GPM6A: variants seen among roughly 807,000 people sequenced by gnomAD.
GPM6A encodes neuronal membrane glycoprotein M6-a.
Under a neutral mutation model 32.1 loss-of-function variants are expected in GPM6A, and 7 were observed. That is an observed-to-expected ratio of 0.22 (90% CI 0.12 to 0.41). The LOEUF is 0.41. Among genes scored for constraint, GPM6A ranks in the 10% least tolerant of loss-of-function variants. The pLI, the probability that GPM6A is intolerant of heterozygous loss-of-function variation, is 1.00. For missense variants in GPM6A, 235 were observed against 347.2 expected, an observed-to-expected ratio of 0.68 and a Z score of 2.57; for synonymous variants, 130 against 123.4, an observed-to-expected ratio of 1.05 and a Z score of -0.35.
intron 1 of GPM6A, among the ~76,000 whole-genome samples, chr4:175,863,493 T>C (rs552516391): frequency 7.3e-6 from 1 of 137,738 alleles, no homozygotes; most frequent in East Asian, 2.2e-4. Context: ...TTAATGGACT[T>C]TGTTTTTTTT....
intron 1 of GPM6A, among the ~76,000 whole-genome samples, chr4:175,882,368 A>C (rs2111459905): frequency 6.6e-6 from 1 of 152,142 alleles, no homozygotes; most frequent in Admixed American, 6.5e-5. Flanking sequence ...TGGATGATTA[A>C]GAAAACTGTC....
intron 4 of GPM6A, among the ~76,000 whole-genome samples, chr4:175,648,481 G>GA (rs1741602543): frequency 6.6e-6 from 1 of 152,094 alleles, no homozygotes; most frequent in Non-Finnish European, 1.5e-5. Context: ...AGCAGTTTGG[G>GA]AAAAAAATTG....
chr4:175,928,375 T>C (rs1037107503), intron 1 of GPM6A, among the ~76,000 whole-genome samples: 6 of 152,186 alleles, frequency 3.9e-5, no homozygotes, highest in African/African-American at 1.2e-4. Context: ...GATACAAGCC[T>C]TTACCTGGGA....
At chr4:175,989,001 A>G (rs551225911) in intron 1 of GPM6A, among the ~76,000 whole-genome samples, 131 of 152,290 alleles carry the variant, frequency 8.6e-4, no homozygotes, top group African/African-American at 2.8e-3. Flanking sequence ...AGCTACTTGT[A>G]CCCCAATTCT....
chr4:175,880,549 C>T (rs1737238584), intron 1 of GPM6A, among the ~76,000 whole-genome samples: 1 of 152,008 alleles, frequency 6.6e-6, no homozygotes, highest in Non-Finnish European at 1.5e-5. Flanking sequence ...TGTTTGTGTC[C>T]TCTTTTATTT....
chr4:175,791,062 C>T lies in GPM6A; in HGVS notation c.37+21129G>A, dbSNP rs574936900. ...GAATGTACCTATTTTCTGGCCAATC[C>T]TTTTCCTATGTCTTTTGGACTAGAG... On this transcript the variant is annotated intron_variant, in intron 1 of 6. Transcript: ENST00000393658. 3.1e-4 allele frequency among the ~76,000 whole-genome samples: 47 copies of T among 152,022 alleles called. 1 individual carries two copies. In the South Asian group the frequency reaches 9.8e-3, roughly 32 times the overall value.
chr4:175,916,849 A>G, intron 1 of GPM6A, among the ~76,000 whole-genome samples: 1 of 152,174 alleles, frequency 6.6e-6, no homozygotes, highest in Non-Finnish European at 1.5e-5. Flanking sequence ...CATTAAAAAC[A>G]CAGTTTTCCT....
intron 1 of GPM6A, among the ~76,000 whole-genome samples, chr4:175,923,819 GC>G (rs1738748083): frequency 6.6e-6 from 1 of 152,114 alleles, no homozygotes; most frequent in African/African-American, 2.4e-5. Flanking sequence ...CTCCCAAAGT[GC>G]TGGGATTACA....
At position 175,961,729 on chromosome 4, in the gene GPM6A, C is replaced by A. The variant is rs115094258; in HGVS notation, c.-23+40580G>T. The stretch of plus-strand genomic sequence containing the variant: ...GTGGAGAGTGAGAGAGCAGCTCTTT[C>A]GAAAAACACCAGAGCTTTCTGTTCT... On this transcript the variant is annotated intron_variant, in intron 1 of 7. Transcript: ENST00000280187. Among the ~76,000 whole-genome samples the A allele has an allele frequency of 6.8e-3, 1,039 of 152,170 alleles. 8 individuals are homozygous for A. Among genetic ancestry groups the A allele is most frequent in the African/African-American group, 0.024 (986 of 41,500 alleles).
chr4:175,878,220 G>A (rs566857842), intron 1 of GPM6A, among the ~76,000 whole-genome samples: 14 of 152,254 alleles, frequency 9.2e-5, no homozygotes, highest in East Asian at 1.9e-4. Flanking sequence ...GGTACAAGCC[G>A]TCAGTGGATC....
At chr4:175,637,674 A>ATATATATAAAATATATAATATATTAT (rs1491248017) in intron 6 of GPM6A, among the ~76,000 whole-genome samples, 31 of 5,308 alleles carry the variant, frequency 5.8e-3, no homozygotes, top group African/African-American at 8.1e-3. Flanking sequence ...TAATATATAT[A>ATATATATAAAATATATAATATATTAT]ATATATATAT....
chr4:175,652,316 G>A (rs1048299022), intron 3 of GPM6A, among the ~76,000 whole-genome samples: 6 of 151,630 alleles, frequency 4.0e-5, no homozygotes, highest in African/African-American at 1.5e-4. Context: ...AATATTCCTG[G>A]GTATTTAGAA....
At chr4:175,676,092 T>G (rs1010026040) in intron 2 of GPM6A, among the ~76,000 whole-genome samples, 3 of 152,142 alleles carry the variant, frequency 2.0e-5, no homozygotes, top group Admixed American at 6.5e-5. Flanking sequence ...TTCCTGCTGC[T>G]TCTCACTGCA....
Position 175,701,741 on chromosome 4 carries a change from G to A in GPM6A, c.64C>T (p.Leu22=). 6.2e-7 allele frequency: 1 copy of A among 1,612,792 alleles called. No individual in the cohort carries two copies. Among genetic ancestry groups the A allele is most frequent in the Non-Finnish European group, 8.5e-7 (1 of 1,179,024 alleles). Residue 22 remains leucine (L), a synonymous_variant, in exon 2 of 7, where the codon CTG becomes TTG. Transcript: ENST00000393658. ...KGCFECCIKC[L]GGIPYASLIA... ...AGAGAGGCATAGGGAATGCCCCCCAGGCATTTGATACAGCATTCAAAACAC... is the reference window on the plus strand; with the variant it reads ...AGAGAGGCATAGGGAATGCCCCCCAAGCATTTGATACAGCATTCAAAACAC...
Position 175,889,518 on chromosome 4 carries a change from C to CAAAAAAAAAAA in GPM6A, c.-22-77280_-22-77270dup, listed in dbSNP as rs35210127. Among the ~76,000 whole-genome samples, 746 of 136,810 alleles carry CAAAAAAAAAAA rather than the reference C, an allele frequency of 5.5e-3. 3 individuals carry two copies. Among genetic ancestry groups the CAAAAAAAAAAA allele is most frequent in the African/African-American group, 0.02 (692 of 34,898 alleles). The allele number at this position is 136,810 out of a possible 152,430, so 89.8% of individuals were successfully genotyped here. A position where few individuals can be genotyped will look rare whatever the true frequency, so the allele number is the denominator to read the frequency against. Reference sequence around the variant, plus strand: ...GAGTGACAGAGCAAAACCCTGTCTCCAAAAAAAAAAAAAGAGGCCAGGCGC... The same window carrying CAAAAAAAAAAA: ...GAGTGACAGAGCAAAACCCTGTCTCCAAAAAAAAAAAAAAAAAAAAAAAAGAGGCCAGGCGC... On this transcript the variant is annotated intron_variant, in intron 1 of 7. Transcript: ENST00000280187.
chr4:175,962,000 G>C, intron 1 of GPM6A: 1 of 566,990 alleles, frequency 1.8e-6, no homozygotes, highest in Non-Finnish European at 3.3e-6. Context: ...TATATTAACA[G>C]GGGAGCACAA....
intron 1 of GPM6A, chr4:175,961,152 C>T (rs189379333): frequency 9.1e-4 from 139 of 152,304 alleles, no homozygotes; most frequent in African/African-American, 3.2e-3. Flanking sequence ...CTGGTTATCA[C>T]TCATCAGTTG....
intron 1 of GPM6A, among the ~76,000 whole-genome samples, chr4:175,936,379 G>T (rs182450517): frequency 1.5e-5 from 2 of 132,146 alleles, no homozygotes; most frequent in East Asian, 4.2e-4. Context: ...TAATTTCCAG[G>T]CATACCTTTC....
intron 1 of GPM6A, among the ~76,000 whole-genome samples, chr4:175,714,115 T>C (rs534120763): frequency 6.6e-6 from 1 of 152,292 alleles, no homozygotes; most frequent in Admixed American, 6.5e-5. Flanking sequence ...GTTGAGAATC[T>C]TGTGGGTTTT....
Sources: gnomAD v4.1 joint callset for allele counts (sites outside exome capture counted in the v4.1 genomes callset) on GRCh38, gnomAD v4.1.1 for gene constraint, MANE v1.5 for transcripts, NCBI Gene and HGNC (gene_info 2026-07-23, HGNC 2026-07-21) for gene names.